Variants in STRN3 observed in about 807,000 individuals in gnomAD.
The protein encoded by STRN3 is striatin 3, also known as striatin-3.
Under a neutral mutation model 95.6 loss-of-function variants are expected in STRN3, and 29 were observed. The observed-to-expected ratio is 0.30, with a 90% CI of 0.23 to 0.41. STRN3 has a LOEUF of 0.41. Ranked by LOEUF, STRN3 falls within the 10% of genes least tolerant of loss-of-function variation. The pLI is 1.00. For synonymous variants in STRN3, 331 were observed against 357.6 expected, an observed-to-expected ratio of 0.93 and a Z score of 0.84; for missense variants, 890 against 972.1, an observed-to-expected ratio of 0.92 and a Z score of 1.12.
At chr14:30,934,696 CTTTA>C (rs1878729550) in intron 7 of STRN3, among the ~76,000 whole-genome samples, 1 of 152,056 alleles carries the variant, frequency 6.6e-6, no homozygotes, top group African/African-American at 2.4e-5. Flanking sequence ...GGATGAGTAG[CTTTA>C]TTCTTTCTAA....
At chr14:30,921,018 T>C (rs1896864777) in intron 8 of STRN3, among the ~76,000 whole-genome samples, 1 of 151,740 alleles carries the variant, frequency 6.6e-6, no homozygotes, top group African/African-American at 2.4e-5. Context: ...TATTTTGTCA[T>C]ATTTATCCTC....
chr14:30,916,046 A>AT (rs1303133167), intron 9 of STRN3, among the ~76,000 whole-genome samples: 1 of 152,098 alleles, frequency 6.6e-6, no homozygotes, highest in African/African-American at 2.4e-5. Context: ...CTTAATCACT[A>AT]TTTACACATA....
chr14:30,957,744 A>G (rs893636656), intron 1 of STRN3, among the ~76,000 whole-genome samples: 3 of 152,120 alleles, frequency 2.0e-5, no homozygotes, highest in Non-Finnish European at 1.5e-5. Context: ...ACCTCACACT[A>G]AAGAATAATG....
At chr14:31,010,139 A>C (rs1882902958) in intron 1 of STRN3, among the ~76,000 whole-genome samples, 1 of 152,314 alleles carries the variant, frequency 6.6e-6, no homozygotes, top group South Asian at 2.1e-4. Flanking sequence ...AAACAAAAGA[A>C]GAAATCAGTA....
At chr14:30,918,835 C>T in intron 9 of STRN3, 131 bp downstream of exon 9, 1 of 925,204 alleles carries the variant, frequency 1.1e-6, no homozygotes, top group Non-Finnish European at 1.5e-6. Flanking sequence ...CAAGAGCTTG[C>T]CCAACACCTT....
chr14:30,943,591 C>T (rs1391093950), intron 5 of STRN3, among the ~76,000 whole-genome samples: 3 of 152,128 alleles, frequency 2.0e-5, no homozygotes, highest in Non-Finnish European at 4.4e-5. Flanking sequence ...CAGGGCAAGA[C>T]ACCATTCAAA....
chr14:30,978,575 T>C (rs936533015), intron 1 of STRN3, among the ~76,000 whole-genome samples: 2 of 152,190 alleles, frequency 1.3e-5, no homozygotes, highest in African/African-American at 4.8e-5. Flanking sequence ...ATCTCCTCTT[T>C]CATCACTCCT....
chr14:30,955,482 A>G (rs1261888907), intron 3 of STRN3, 138 bp downstream of exon 3: 1 of 652,284 alleles, frequency 1.5e-6, no homozygotes, highest in East Asian at 3.3e-5. Flanking sequence ...TATTCATTTA[A>G]TATTTTTTCC....
Position 30,936,635 on chromosome 14 carries a change from GA to G in STRN3, c.717-12del, listed in dbSNP as rs1566445340. On this transcript the variant is annotated splice_polypyrimidine_tract_variant and intron_variant, in intron 5 of 17. Coordinates refer to ENST00000357479, the MANE Select transcript of STRN3 (RefSeq NM_001083893.2). ...ACATCACCAGAGGACCTGTGCGAAG[GA>G]AAAAAAGATAAATCCAACTATTCCA... The G allele has an allele frequency of 1.3e-6, 2 of 1,591,740 alleles. No homozygotes were observed. Among genetic ancestry groups the G allele is most frequent in the Non-Finnish European group, 8.5e-7 (1 of 1,173,976 alleles).
At chr14:30,966,722 G>A (rs1416559462) in intron 1 of STRN3, among the ~76,000 whole-genome samples, 4 of 152,150 alleles carry the variant, frequency 2.6e-5, no homozygotes, top group South Asian at 2.1e-4. Context: ...CCCTGCTTGC[G>A]GTGTTGTGTG....
intron 1 of STRN3, among the ~76,000 whole-genome samples, chr14:30,966,391 A>AAAGTTTCGGTGCC (rs1374901842): frequency 1.3e-5 from 2 of 152,168 alleles, no homozygotes; most frequent in African/African-American, 4.8e-5. Flanking sequence ...CTTTACATAT[A>AAAGTTTCGGTGCC]ACAATGTGGG....
chr14:30,966,902 G>T (rs918436140), intron 1 of STRN3, among the ~76,000 whole-genome samples: 2 of 152,072 alleles, frequency 1.3e-5, no homozygotes, highest in Non-Finnish European at 2.9e-5. Flanking sequence ...CAGCACAAGT[G>T]GGAAGTGTGC....
chr14:30,954,508 T>C (rs1319110839), intron 3 of STRN3, among the ~76,000 whole-genome samples: 4 of 152,296 alleles, frequency 2.6e-5, no homozygotes, highest in Middle Eastern at 3.4e-3. Context: ...TCACACGATA[T>C]ACTTCTGCCC....
chr14:30,929,962 A>ACAAAC (rs1566441376), intron 7 of STRN3, among the ~76,000 whole-genome samples: 4 of 147,138 alleles, frequency 2.7e-5, no homozygotes, highest in African/African-American at 9.9e-5. Flanking sequence ...AGCAAAAAAA[A>ACAAAC]AAAAAAAAAA....
chr14:30,895,619 T>A (rs759571468), intron 17 of STRN3, 39 bp from the exon 18 acceptor site: 1 of 1,609,840 alleles, frequency 6.2e-7, no homozygotes. Context: ...TGAGTAACAA[T>A]CTTTTATAAA....
chr14:30,984,575 C>G (rs1041048047), intron 1 of STRN3, among the ~76,000 whole-genome samples: 1 of 151,842 alleles, frequency 6.6e-6, no homozygotes, highest in Non-Finnish European at 1.5e-5. Flanking sequence ...GTCAAGAGAT[C>G]GAGAACATCC....
chr14:31,022,401 C>T (rs1367388643), intron 1 of STRN3, among the ~76,000 whole-genome samples: 3 of 147,120 alleles, frequency 2.0e-5, no homozygotes, highest in African/African-American at 7.6e-5. Flanking sequence ...AAAAAAAGAA[C>T]ATAAACTCTT....
In STRN3 at chr14:30,894,936, T is replaced by A; in HGVS notation, c.*475A>T. 9.0e-7 allele frequency: 1 copy of A among 1,105,290 alleles called. No homozygotes were observed. The highest frequency in any genetic ancestry group is 1.1e-6 in the Non-Finnish European group (1 of 872,156). 68.5% of individuals were successfully genotyped at this position (1,105,290 alleles called of 1,614,324 possible). On this transcript the variant is annotated 3_prime_UTR_variant, in exon 18 of 18. Transcript: ENST00000357479. ...AGCAAAATAAGTTTAAAAGGGAATC[T>A]GTGGCATTCAACCGATAAACAGAAG... is the stretch of plus-strand genomic sequence containing the variant.
intron 8 of STRN3, among the ~76,000 whole-genome samples, chr14:30,924,185 G>T (rs1594443129): frequency 1.5e-5 from 2 of 129,628 alleles, no homozygotes; most frequent in South Asian, 2.5e-4. Flanking sequence ...AGAGCAACAT[G>T]TCTACAACTT....
Sources: gnomAD v4.1 joint callset for allele counts (sites outside exome capture counted in the v4.1 genomes callset) on GRCh38, gnomAD v4.1.1 for gene constraint, MANE v1.5 for transcripts, NCBI Gene and HGNC (gene_info 2026-07-23, HGNC 2026-07-21) for gene names.